The following SLC4A10 variants were observed in gnomAD, a reference collection of about 807,000 sequenced individuals.
SLC4A10 encodes solute carrier family 4 member 10.
Under a neutral mutation model 137.7 loss-of-function variants are expected in SLC4A10, and 42 were observed. The ratio of observed to expected loss-of-function variants is 0.30; its 90% confidence interval spans 0.24 to 0.39. The LOEUF is 0.39. Ranked by LOEUF, SLC4A10 falls within the 10% of genes least tolerant of loss-of-function variation. SLC4A10 has a pLI of 1.00. For missense variants in SLC4A10, 925 were observed against 1,355.0 expected, an observed-to-expected ratio of 0.68 and a Z score of 4.98; for synonymous variants, 474 against 464.1, an observed-to-expected ratio of 1.02 and a Z score of -0.27.
At chr2:161,959,265 C>T (rs1696197938) in intron 21 of SLC4A10, among the ~76,000 whole-genome samples, 2 of 152,112 alleles carry the variant, frequency 1.3e-5, no homozygotes, top group South Asian at 4.1e-4. Context: ...AAGATATAAG[C>T]AGTTTCAAGT....
intron 15 of SLC4A10, among the ~76,000 whole-genome samples, chr2:161,919,278 CAGA>C (rs1687705451): frequency 6.6e-6 from 1 of 152,114 alleles, no homozygotes; most frequent in Admixed American, 6.5e-5. Context: ...CAATGAATGG[CAGA>C]AGGAGGCAGA....
At chr2:161,899,849 G>A (rs1419183851) in intron 11 of SLC4A10, among the ~76,000 whole-genome samples, 5 of 152,052 alleles carry the variant, frequency 3.3e-5, no homozygotes, top group East Asian at 3.9e-4. Flanking sequence ...GTCTTACTGC[G>A]TCCATCCATT....
At chr2:161,742,716 A>C (rs2048037756) in intron 1 of SLC4A10, among the ~76,000 whole-genome samples, 1 of 152,092 alleles carries the variant, frequency 6.6e-6, no homozygotes, top group Non-Finnish European at 1.5e-5. Flanking sequence ...CTGGGATTAC[A>C]GGCATGAACC....
At chr2:161,975,381 A>G (rs1026617646) in intron 24 of SLC4A10, among the ~76,000 whole-genome samples, 3 of 152,178 alleles carry the variant, frequency 2.0e-5, no homozygotes, top group Admixed American at 6.5e-5. Context: ...GAGATTCACA[A>G]TGCATATTAG....
In SLC4A10 at chr2:161,719,366, A is replaced by G. The variant is rs530437508; in HGVS notation, c.49-51607A>G. Among the ~76,000 whole-genome samples, 962 of 152,306 alleles carry G rather than the reference A, an allele frequency of 6.3e-3. 7 individuals are homozygous for G. Among genetic ancestry groups the G allele is most frequent in the African/African-American group, 0.022 (908 of 41,562 alleles). ...GTGAATAGAGCCACAATAAACATAC[A>G]TGTGCATGTGTCTTTATAGCAGCAT... On this transcript the variant is annotated intron_variant, in intron 1 of 26. Transcript: ENST00000446997.
chr2:161,733,317 T>A (rs888626035), intron 1 of SLC4A10, among the ~76,000 whole-genome samples: 1 of 152,142 alleles, frequency 6.6e-6, no homozygotes, highest in African/African-American at 2.4e-5. Context: ...TGCCCTGCGT[T>A]CCAGCCACTC....
At chr2:161,935,346 G>T (rs970119892) in intron 15 of SLC4A10, among the ~76,000 whole-genome samples, 1 of 152,074 alleles carries the variant, frequency 6.6e-6, no homozygotes, top group Non-Finnish European at 1.5e-5. Context: ...TTTTGCTCAA[G>T]ATTTATTTGG....
At chr2:161,749,697 C>T (rs1370565681) in intron 1 of SLC4A10, among the ~76,000 whole-genome samples, 1 of 151,750 alleles carries the variant, frequency 6.6e-6, no homozygotes, top group Non-Finnish European at 1.5e-5. Flanking sequence ...GTATATTCAT[C>T]CAAGATAGTG....
At chr2:161,779,988 C>T (rs1344945551) in intron 2 of SLC4A10, among the ~76,000 whole-genome samples, 2 of 151,942 alleles carry the variant, frequency 1.3e-5, no homozygotes, top group Non-Finnish European at 2.9e-5. Flanking sequence ...ATATGTGGCT[C>T]CATCTTGGTT....
At chr2:161,903,155 T>A (rs1575558066) in intron 12 of SLC4A10, among the ~76,000 whole-genome samples, 1 of 152,178 alleles carries the variant, frequency 6.6e-6, no homozygotes, top group East Asian at 1.9e-4. Context: ...ATCTCAAATT[T>A]CAAGCATAAT....
Position 161,872,365 on chromosome 2 carries a change from G to A in SLC4A10, c.839G>A (p.Ser280Asn), listed in dbSNP as rs1215755332. 1 of 1,613,462 alleles carries A rather than the reference G, an allele frequency of 6.2e-7. No individual in the cohort carries two copies. The highest frequency in any genetic ancestry group is 8.5e-7 in the Non-Finnish European group (1 of 1,179,602). ...ENKNDVSRENSTVDFSKGLGG... is the reference protein window; with the variant it reads ...ENKNDVSRENNTVDFSKGLGG... ...AAAAATGATGTTAGCAGAGAAAACA[G>A]CACTGTTGACTTTAGCAAGGTGAGC... Residue 280 changes from serine to asparagine, a missense_variant, in exon 7 of 27, where the codon AGC becomes AAC. This residue lies in a region of SLC4A10 where 277 missense variants were observed against 306.1 expected (regional missense o/e 0.90). Coordinates refer to ENST00000446997, the MANE Select transcript of SLC4A10 (RefSeq NM_001178015.2).
intron 1 of SLC4A10, among the ~76,000 whole-genome samples, chr2:161,703,611 G>A (rs1273716115): frequency 6.6e-6 from 1 of 151,498 alleles, no homozygotes; most frequent in South Asian, 2.1e-4. Flanking sequence ...GTATTTTCTA[G>A]AAAATTATTA....
chr2:161,949,859 A>G (rs1694484303), intron 18 of SLC4A10, among the ~76,000 whole-genome samples: 1 of 151,930 alleles, frequency 6.6e-6, no homozygotes, highest in Admixed American at 6.6e-5. Context: ...TCTTAATAAT[A>G]TATGTGACCT....
intron 19 of SLC4A10, among the ~76,000 whole-genome samples, chr2:161,952,114 A>C (rs1317710362): frequency 6.6e-6 from 1 of 152,162 alleles, no homozygotes; most frequent in African/African-American, 2.4e-5. Context: ...TAGTGTGTTC[A>C]CTGAAAAATT....
chr2:161,935,653 G>A (rs532355196), intron 15 of SLC4A10, among the ~76,000 whole-genome samples: 1 of 152,184 alleles, frequency 6.6e-6, no homozygotes, highest in East Asian at 1.9e-4. Context: ...TTGCAAACAG[G>A]ATTGTTTTCT....
intron 2 of SLC4A10, among the ~76,000 whole-genome samples, chr2:161,785,140 T>G (rs1451159615): frequency 6.6e-6 from 1 of 151,378 alleles, no homozygotes; most frequent in Non-Finnish European, 1.5e-5. Context: ...ACCTTAAAAA[T>G]GGATAAATTC....
intron 12 of SLC4A10, 61 bp from the exon 13 acceptor site, chr2:161,903,943 A>G: frequency 1.3e-6 from 2 of 1,482,378 alleles, no homozygotes; most frequent in Non-Finnish European, 9.0e-7. Flanking sequence ...GCAAATGAGC[A>G]TTTTGACTTG....
chr2:161,981,238 A>C (rs745374776), intron 26 of SLC4A10, among the ~76,000 whole-genome samples: 1 of 152,246 alleles, frequency 6.6e-6, no homozygotes, highest in Non-Finnish European at 1.5e-5. Context: ...AACACCTCCC[A>C]CGTTTCAAAG....
At chr2:161,723,874 C>A (rs3903713) in intron 1 of SLC4A10, among the ~76,000 whole-genome samples, 126,217 of 152,146 alleles carry the variant, frequency 0.83, 52,431 homozygotes, top group Middle Eastern at 0.88. Flanking sequence ...TAGCTGAAAT[C>A]TATACCTTAA....
Sources: allele counts gnomAD v4.1 joint callset (sites outside exome capture counted in the v4.1 genomes callset), GRCh38; gene constraint gnomAD v4.1.1; regional missense constraint gnomAD v4.1.1; transcripts MANE v1.5; gene names NCBI Gene and HGNC (gene_info 2026-07-23, HGNC 2026-07-21).